AKAP6: variants seen among roughly 807,000 people sequenced by gnomAD.
AKAP6 encodes A-kinase anchor protein 6.
A neutral mutation model predicts 188.5 loss-of-function variants in AKAP6; 58 were observed. That is an observed-to-expected ratio of 0.31 (90% CI 0.25 to 0.38). The LOEUF is 0.38. Among genes scored for constraint, AKAP6 ranks in the 10% least tolerant of loss-of-function variants. The pLI, the probability that AKAP6 is intolerant of heterozygous loss-of-function variation, is 1.00. For missense variants in AKAP6, 2,710 were observed against 2,740.0 expected (o/e 0.99, Z 0.24); for synonymous variants, 989 against 998.6 (o/e 0.99, Z 0.18).
At chr14:32,494,803 G>A (rs1044385320) in intron 2 of AKAP6, among the ~76,000 whole-genome samples, 2 of 152,042 alleles carry the variant, frequency 1.3e-5, no homozygotes, top group Non-Finnish European at 2.9e-5. Context: ...TATTAGTGAT[G>A]GGTCTAAGCT....
intron 11 of AKAP6, among the ~76,000 whole-genome samples, chr14:32,769,036 G>GTTTTTTTTTTTTTT (rs1566698267): frequency 3.8e-4 from 7 of 18,498 alleles, no homozygotes; most frequent in African/African-American, 5.9e-4. Flanking sequence ...CTGCTCTTTT[G>GTTTTTTTTTTTTTT]ATTTTTTTTT....
At chr14:32,739,071 G>A (rs993883501) in intron 11 of AKAP6, among the ~76,000 whole-genome samples, 1 of 151,926 alleles carries the variant, frequency 6.6e-6, no homozygotes, top group African/African-American at 2.4e-5. Context: ...TTGCATTAGG[G>A]GGACAAAAAG....
intron 7 of AKAP6, among the ~76,000 whole-genome samples, chr14:32,615,543 A>C (rs1886537316): frequency 6.7e-6 from 1 of 150,336 alleles, no homozygotes. Context: ...TACCTATTGA[A>C]TCTCACAATA....
At chr14:32,777,193 T>C (rs1395730725) in intron 12 of AKAP6, among the ~76,000 whole-genome samples, 1 of 152,166 alleles carries the variant, frequency 6.6e-6, no homozygotes, top group Non-Finnish European at 1.5e-5. Flanking sequence ...TTCAAAGTAA[T>C]TTAACTATAC....
intron 7 of AKAP6, among the ~76,000 whole-genome samples, chr14:32,603,956 G>A (rs1277966657): frequency 6.6e-6 from 1 of 152,004 alleles, no homozygotes; most frequent in Non-Finnish European, 1.5e-5. Context: ...GAATTAAAAA[G>A]TGATAAGAGG....
chr14:32,462,980 TAA>T (rs71115073), intron 2 of AKAP6, among the ~76,000 whole-genome samples: 75,484 of 114,796 alleles, frequency 0.66, 25,070 homozygotes, highest in African/African-American at 0.87. Flanking sequence ...CAACAAAGAT[TAA>T]AAAAAAAAAA....
chr14:32,463,944 C>A (rs769123259), intron 2 of AKAP6, among the ~76,000 whole-genome samples: 28 of 152,118 alleles, frequency 1.8e-4, no homozygotes, highest in Non-Finnish European at 3.1e-4. Context: ...TACAAACTAC[C>A]ATCAGAGAAT....
In AKAP6 at chr14:32,689,930, T is replaced by C. The variant is rs1594850648; in HGVS notation, c.2880-6060T>C. On this transcript the variant is annotated intron_variant, in intron 8 of 13. Coordinates refer to ENST00000280979, the MANE Select transcript of AKAP6 (RefSeq NM_004274.5). ...TGAATATTTGGGGAAGGAATCAATATGCTAAAGAAGCTAGGAAAATTGGAT... is the reference window on the plus strand; with the variant it reads ...TGAATATTTGGGGAAGGAATCAATACGCTAAAGAAGCTAGGAAAATTGGAT... 2.6e-5 allele frequency among the ~76,000 whole-genome samples: 4 copies of C among 152,202 alleles called. 1 individual carries two copies. In the South Asian group the frequency reaches 8.3e-4, roughly 32 times the overall value.
chr14:32,653,598 A>T (rs535200206), intron 7 of AKAP6, among the ~76,000 whole-genome samples: 11 of 151,942 alleles, frequency 7.2e-5, no homozygotes, highest in African/African-American at 2.7e-4. Flanking sequence ...ACCATGAGCC[A>T]ATTAATCCTC....
intron 1 of AKAP6, among the ~76,000 whole-genome samples, chr14:32,372,225 C>T (rs1008367454): frequency 3.3e-5 from 5 of 152,058 alleles, no homozygotes; most frequent in African/African-American, 1.2e-4. Context: ...AAAATTGTAA[C>T]CACTTTGTAA....
At position 32,824,545 on chromosome 14, in the gene AKAP6, T is replaced by G; in HGVS notation, c.6732T>G (p.Phe2244Leu). The change falls in exon 13 of 14, where the codon TTT becomes TTG. Residue 2244 changes from phenylalanine to leucine, a missense_variant. Coordinates refer to ENST00000280979, the MANE Select transcript of AKAP6 (RefSeq NM_004274.5). ...GTGGCTGTGCAGAAAACTTAGAGTT[T>G]ACTCCTTCAAAGCTTGACAGTGAAA... ...TSSGCAENLE[F>L]TPSKLDSEKE... The G allele has an allele frequency of 6.2e-7, 1 of 1,613,938 alleles. No individual in the cohort carries two copies. The highest frequency in any genetic ancestry group is 8.5e-7 in the Non-Finnish European group (1 of 1,179,942).
chr14:32,577,098 C>T (rs1412191243), intron 4 of AKAP6, 22 bp from the exon 5 acceptor site: 3 of 1,587,774 alleles, frequency 1.9e-6, no homozygotes, highest in African/African-American at 1.4e-5. Flanking sequence ...CCTTTTTTTC[C>T]CCTTTTCTTT....
chr14:32,618,181 C>CT (rs1886662085), intron 7 of AKAP6, among the ~76,000 whole-genome samples: 1 of 152,100 alleles, frequency 6.6e-6, no homozygotes, highest in Non-Finnish European at 1.5e-5. Flanking sequence ...TTTATTTTTA[C>CT]TTTTTTCTAC....
rs1053044384 is a variant in AKAP6 at position 32,351,958 on chromosome 14, A to G, written c.-35+22550A>G. Among the ~76,000 whole-genome samples the G allele has an allele frequency of 1.1e-4, 16 of 151,830 alleles. 1 individual carries two copies. Among genetic ancestry groups the G allele is most frequent in the Admixed American group, 9.9e-4 (15 of 15,210 alleles). On this transcript the variant is annotated intron_variant, in intron 1 of 13. Transcript: ENST00000280979. ...TCTCCTTGTAACAGGCAGAGCTGTG[A>G]TTTGAACTTGGGTTTGTCTCCAGTA...
At chr14:32,784,187 G>A (rs534581521) in intron 12 of AKAP6, among the ~76,000 whole-genome samples, 49 of 152,216 alleles carry the variant, frequency 3.2e-4, no homozygotes, top group African/African-American at 1.1e-3. Context: ...AGAGGATTTG[G>A]GCTGCTGTGT....
At chr14:32,366,730 G>A (rs991937643) in intron 1 of AKAP6, among the ~76,000 whole-genome samples, 1 of 152,120 alleles carries the variant, frequency 6.6e-6, no homozygotes, top group East Asian at 1.9e-4. Flanking sequence ...GTATTGGGGA[G>A]TAGTGGTGGA....
chr14:32,687,962 G>A (rs542887142), intron 8 of AKAP6, among the ~76,000 whole-genome samples: 4 of 152,058 alleles, frequency 2.6e-5, no homozygotes, highest in South Asian at 2.1e-4. Flanking sequence ...GTGAAATAAC[G>A]TTAAATCGAT....
In AKAP6 at chr14:32,824,038, T is replaced by C. The variant is rs190070568; in HGVS notation, c.6225T>C (p.Ser2075=). 1.3e-4 allele frequency: 214 copies of C among 1,613,874 alleles called. 1 individual carries two copies. The East Asian group carries it at 4.4e-3, about 33-fold the overall frequency. Residue 2075 remains serine, a synonymous_variant, in exon 13 of 14, where the codon TCT becomes TCC. Coordinates refer to ENST00000280979, the MANE Select transcript of AKAP6 (RefSeq NM_004274.5). ...DMASTALKSK[S]QPENEVAAPT... ...CTTCGACAGCCCTAAAAAGTAAATC[T>C]CAACCTGAAAACGAGGTGGCTGCTC...
chr14:32,466,849 TC>T (rs1307659886), intron 2 of AKAP6, among the ~76,000 whole-genome samples: 6,967 of 92,858 alleles, frequency 0.075, 207 homozygotes, highest in African/African-American at 0.11. Flanking sequence ...ATATATATTT[TC>T]TTTCTTAGCA....
Sources: allele counts gnomAD v4.1 joint callset (sites outside exome capture counted in the v4.1 genomes callset), GRCh38; gene constraint gnomAD v4.1.1; transcripts MANE v1.5; gene names NCBI Gene and HGNC (gene_info 2026-07-23, HGNC 2026-07-21).